NRXN3: variants seen among roughly 807,000 people sequenced by gnomAD.
NRXN3 encodes neurexin III.
A neutral mutation model predicts 137.6 loss-of-function variants in NRXN3; 32 were observed. The observed-to-expected ratio is 0.23, with a 90% CI of 0.18 to 0.31. The LOEUF is 0.31. Ranked by LOEUF, NRXN3 falls within the 10% of genes least tolerant of loss-of-function variation. The pLI is 1.00. For synonymous variants in NRXN3, 798 were observed against 784.5 expected, an observed-to-expected ratio of 1.02 and a Z score of -0.29; for missense variants, 1,574 against 2,062.5, an observed-to-expected ratio of 0.76 and a Z score of 4.59.
intron 2 of NRXN3, among the ~76,000 whole-genome samples, chr14:78,269,456 A>C (rs1470324357): frequency 1.3e-5 from 2 of 152,198 alleles, no homozygotes; most frequent in African/African-American, 4.8e-5. Flanking sequence ...GGTAAAGGGA[A>C]TTAGTTTTAA....
At chr14:78,732,327 A>G (rs1217468059) in intron 8 of NRXN3, among the ~76,000 whole-genome samples, 1 of 152,244 alleles carries the variant, frequency 6.6e-6, no homozygotes, top group African/African-American at 2.4e-5. Flanking sequence ...CTGTGGGTAT[A>G]TAATTCAGAA....
chr14:78,351,448 A>G (rs1166851841), intron 4 of NRXN3, among the ~76,000 whole-genome samples: 1 of 152,196 alleles, frequency 6.6e-6, no homozygotes, highest in African/African-American at 2.4e-5. Flanking sequence ...ATTCCCACCA[A>G]TAGTAGACGT....
At chr14:79,280,081 G>A in intron 15 of NRXN3, 7 of 1,382,642 alleles carry the variant, frequency 5.1e-6, no homozygotes, top group Non-Finnish European at 1.9e-6. Context: ...GAAAGAGAAG[G>A]GGCTTTTTGC....
chr14:78,338,446 G>C (rs2081748028), intron 4 of NRXN3, among the ~76,000 whole-genome samples: 1 of 152,128 alleles, frequency 6.6e-6, no homozygotes, highest in African/African-American at 2.4e-5. Context: ...GTTTGCTGGT[G>C]GGGGAATGGG....
At chr14:79,709,753 G>T (rs902158363) in intron 19 of NRXN3, among the ~76,000 whole-genome samples, 16 of 152,144 alleles carry the variant, frequency 1.1e-4, no homozygotes, top group Non-Finnish European at 1.6e-4. Context: ...TTATCTCGGG[G>T]CTGCTGTTCT....
chr14:78,728,464 A>G (rs1228518251), intron 8 of NRXN3, among the ~76,000 whole-genome samples: 1 of 152,222 alleles, frequency 6.6e-6, no homozygotes, highest in Non-Finnish European at 1.5e-5. Flanking sequence ...AATTGTAGTG[A>G]GGCCATGAAA....
At chr14:78,173,708 G>GGTTTTTTTTTTTT (rs1296589683) in intron 1 of NRXN3, among the ~76,000 whole-genome samples, 1 of 8,986 alleles carries the variant, frequency 1.1e-4, no homozygotes, top group East Asian at 1.3e-3. Context: ...CTTTTTCCTT[G>GGTTTTTTTTTTTT]CTTTTTTTTT....
intron 10 of NRXN3, among the ~76,000 whole-genome samples, chr14:78,828,479 A>G (rs949716772): frequency 1.3e-5 from 2 of 152,214 alleles, no homozygotes; most frequent in African/African-American, 4.8e-5. Context: ...GCCCTGTCAC[A>G]ACTACTCCAT....
In NRXN3 at chr14:78,243,779, A is replaced by G. The variant is rs1261543129; in HGVS notation, c.686A>G (p.Tyr229Cys). ...ACCTGTGACTGTTCTACCACTGGCT[A>G]TGGTGGCAAGCTCTGCTCAGAAGGT... ...HPTCDCSTTGYGGKLCSEDVS... is the reference protein window; with the variant it reads ...HPTCDCSTTGCGGKLCSEDVS... Residue 229 changes from tyrosine (Y) to cysteine (C), a missense_variant, in exon 2 of 21, where the codon TAT becomes TGT. Coordinates refer to ENST00000335750, the MANE Select transcript of NRXN3 (RefSeq NM_001330195.2). The surrounding 1 kb of genome is among the most constrained non-coding windows in gnomAD (Gnocchi z 4.2). The G allele has an allele frequency of 6.3e-7, 1 of 1,589,906 alleles. No homozygotes were observed.
chr14:78,352,399 G>T (rs1207882412), intron 4 of NRXN3, among the ~76,000 whole-genome samples: 1 of 152,036 alleles, frequency 6.6e-6, no homozygotes, highest in Non-Finnish European at 1.5e-5. Context: ...GTTTCCACTG[G>T]GTAAGCACTA....
chr14:78,521,503 T>C (rs954394865), intron 4 of NRXN3, among the ~76,000 whole-genome samples: 4 of 152,208 alleles, frequency 2.6e-5, no homozygotes, highest in East Asian at 1.9e-4. Flanking sequence ...GTGCTCTGCC[T>C]GAAGCCCAGG....
chr14:78,180,183 A>G (rs993020671), intron 1 of NRXN3, among the ~76,000 whole-genome samples: 1 of 152,056 alleles, frequency 6.6e-6, no homozygotes, highest in African/African-American at 2.4e-5. Flanking sequence ...GGGCGCTTTT[A>G]TATTCCTACT....
At chr14:78,353,786 A>AG (rs1405340663) in intron 4 of NRXN3, among the ~76,000 whole-genome samples, 2 of 152,164 alleles carry the variant, frequency 1.3e-5, no homozygotes, top group Non-Finnish European at 2.9e-5. Context: ...GATGAGCCTC[A>AG]GGGGAGGTAC....
chr14:79,008,789 G>T (rs2099562670), intron 15 of NRXN3, among the ~76,000 whole-genome samples: 2 of 151,618 alleles, frequency 1.3e-5, no homozygotes, highest in African/African-American at 4.8e-5. Flanking sequence ...CTCCCGAGTA[G>T]CTGGGATTAT....
intron 10 of NRXN3, among the ~76,000 whole-genome samples, chr14:78,876,495 A>T (rs929492253): frequency 2.0e-5 from 3 of 152,234 alleles, no homozygotes; most frequent in Admixed American, 6.5e-5. Flanking sequence ...TATTGTAATT[A>T]TATGTGGCAG....
At chr14:78,745,148 A>G (rs538781372) in intron 8 of NRXN3, 3 of 152,244 alleles carry the variant, frequency 2.0e-5, no homozygotes, top group Non-Finnish European at 4.4e-5. Flanking sequence ...GAGAAGCTAA[A>G]TTATAATCAG....
chr14:79,586,745 G>A (rs149861001), intron 16 of NRXN3, among the ~76,000 whole-genome samples: 2 of 152,252 alleles, frequency 1.3e-5, no homozygotes, highest in East Asian at 3.9e-4. Flanking sequence ...GCCATTTCTT[G>A]TTTTTTGAGA....
chr14:78,994,688 C>T lies in NRXN3; in HGVS notation c.3262+6547C>T, dbSNP rs529886106. Among the ~76,000 whole-genome samples, 3 of 152,268 alleles carry T rather than the reference C, an allele frequency of 2.0e-5. No individual in the cohort carries two copies. The South Asian group carries it at 6.2e-4, about 32-fold the overall frequency. ...CTCTAGAATCAAACTGCTTTAAATG[C>T]CAGTCCTGAGTCTTTCTATCTGTGA... On this transcript the variant is annotated intron_variant, in intron 15 of 20. Transcript: ENST00000335750.
chr14:79,554,320 G>C (rs1321996843), intron 16 of NRXN3, among the ~76,000 whole-genome samples: 1 of 152,158 alleles, frequency 6.6e-6, no homozygotes, highest in East Asian at 1.9e-4. Flanking sequence ...AACTACGGTT[G>C]CTGAAACACG....
Sources: gnomAD v4.1 joint callset for allele counts (sites outside exome capture counted in the v4.1 genomes callset) on GRCh38, gnomAD v4.1.1 for gene constraint, Gnocchi (gnomAD v3.1) non-coding constraint, MANE v1.5 for transcripts, NCBI Gene and HGNC (gene_info 2026-07-23, HGNC 2026-07-21) for gene names.